The following VDAC1 variants were observed in gnomAD, a reference collection of about 807,000 sequenced individuals.
VDAC1 encodes the protein voltage dependent anion channel 1, also known as non-selective voltage-gated ion channel VDAC1.
In VDAC1, 10 loss-of-function variants were observed where a neutral mutation model predicts 34.7. The ratio of observed to expected loss-of-function variants is 0.29; its 90% confidence interval spans 0.18 to 0.49. VDAC1 has a LOEUF of 0.49. VDAC1 is among the 20% of genes least tolerant of loss of function. The pLI is 0.99. For synonymous variants in VDAC1, 130 were observed against 136.0 expected (o/e 0.96, Z 0.30); for missense variants, 230 against 347.9 (o/e 0.66, Z 2.69).
chr5:134,015,979 G>A, the VDAC1 span, among the ~76,000 whole-genome samples: 2 of 152,136 alleles, frequency 1.3e-5, no homozygotes, highest in African/African-American at 4.8e-5. Context: ...TGTAGAGATG[G>A]GGGTTTGCCA....
intron 1 of VDAC1, among the ~76,000 whole-genome samples, chr5:133,995,687 G>A (rs78157275): frequency 2.0e-4 from 31 of 152,278 alleles, no homozygotes; most frequent in African/African-American, 6.5e-4. Context: ...AGGAAGGCCC[G>A]AGACAGCTCT....
chr5:134,093,654 C>A, the VDAC1 span, among the ~76,000 whole-genome samples: 1 of 152,174 alleles, frequency 6.6e-6, no homozygotes. Flanking sequence ...GAGCGTGAGC[C>A]GGCAGAGAGA....
At chr5:134,055,035 C>G in the VDAC1 span, among the ~76,000 whole-genome samples, 6 of 152,232 alleles carry the variant, frequency 3.9e-5, no homozygotes, top group Non-Finnish European at 8.8e-5. Context: ...TGAGTCCCCT[C>G]TCTGTGCACA....
At chr5:134,062,000 A>G in the VDAC1 span, among the ~76,000 whole-genome samples, 2 of 151,242 alleles carry the variant, frequency 1.3e-5, no homozygotes, top group Non-Finnish European at 3.0e-5. Context: ...TTTTTTTGAG[A>G]CAGAGTCTTG....
intron 1 of VDAC1, among the ~76,000 whole-genome samples, chr5:134,003,002 C>T (rs971314971): frequency 1.8e-4 from 28 of 151,726 alleles, no homozygotes; most frequent in African/African-American, 6.5e-4. Flanking sequence ...GGACTATGGT[C>T]TGGGCCTGCA....
the VDAC1 span, among the ~76,000 whole-genome samples, chr5:134,069,813 C>T: frequency 6.6e-6 from 1 of 152,134 alleles, no homozygotes; most frequent in Admixed American, 6.6e-5. Context: ...TTCTAAGTCA[C>T]AGGATGAGAT....
At chr5:134,000,909 A>G (rs1561600178) in intron 1 of VDAC1, among the ~76,000 whole-genome samples, 1 of 152,174 alleles carries the variant, frequency 6.6e-6, no homozygotes, top group Non-Finnish European at 1.5e-5. Context: ...CATGTCCACA[A>G]TGAGGCATTG....
At chr5:134,107,814 C>T in the VDAC1 span, among the ~76,000 whole-genome samples, 7 of 152,190 alleles carry the variant, frequency 4.6e-5, no homozygotes, top group African/African-American at 1.4e-4. Flanking sequence ...TCCCATCTTC[C>T]CAGCTCTTTG....
the VDAC1 span, among the ~76,000 whole-genome samples, chr5:134,086,989 C>G: frequency 6.6e-6 from 1 of 152,146 alleles, no homozygotes; most frequent in African/African-American, 2.4e-5. Flanking sequence ...AAAGGAAGAG[C>G]CAGGACAAAG....
At chr5:134,112,381 G>A in the VDAC1 span, among the ~76,000 whole-genome samples, 10 of 152,344 alleles carry the variant, frequency 6.6e-5, no homozygotes, top group East Asian at 1.5e-3. Flanking sequence ...GCCAGGGCTA[G>A]GTACACAGTA....
At chr5:133,986,046 C>T (rs1396952392) in intron 5 of VDAC1, among the ~76,000 whole-genome samples, 2 of 152,226 alleles carry the variant, frequency 1.3e-5, no homozygotes, top group African/African-American at 4.8e-5. Flanking sequence ...TCTAACACTG[C>T]ACACCATGTC....
At chr5:134,051,512 G>A in the VDAC1 span, among the ~76,000 whole-genome samples, 1 of 152,208 alleles carries the variant, frequency 6.6e-6, no homozygotes, top group African/African-American at 2.4e-5. Context: ...TCATTTGTGA[G>A]AACCTTGTTG....
upstream of VDAC1, chr5:134,005,552 C>T (rs1394261595): frequency 6.6e-6 from 1 of 152,222 alleles, no homozygotes; most frequent in Non-Finnish European, 1.5e-5. Flanking sequence ...TAAAACAAAA[C>T]GTGGATTGGG....
chr5:134,061,426 CAATG>C, the VDAC1 span, among the ~76,000 whole-genome samples: 2 of 151,666 alleles, frequency 1.3e-5, no homozygotes, highest in Admixed American at 1.3e-4. Flanking sequence ...GGCTGGAATG[CAATG>C]GTAAGATCAC....
chr5:134,041,090 T>C, the VDAC1 span, among the ~76,000 whole-genome samples: 2 of 152,202 alleles, frequency 1.3e-5, no homozygotes, highest in Non-Finnish European at 2.9e-5. Context: ...ATAAATGCAC[T>C]CACTTTGCTC....
the VDAC1 span, among the ~76,000 whole-genome samples, chr5:134,106,852 C>T: frequency 4.6e-5 from 7 of 152,222 alleles, no homozygotes; most frequent in Non-Finnish European, 7.3e-5. Flanking sequence ...TCTCTTCTCT[C>T]CTATTTCTTC....
the VDAC1 span, among the ~76,000 whole-genome samples, chr5:134,055,596 T>TTTTTTTTGTTTTTG: frequency 2.4e-5 from 1 of 41,944 alleles, no homozygotes; most frequent in African/African-American, 6.3e-5. Flanking sequence ...ATGTTTTTTT[T>TTTTTTTTGTTTTTG]TTTTTTTTTT....
At chr5:134,090,068 C>T in the VDAC1 span, among the ~76,000 whole-genome samples, 16 of 152,230 alleles carry the variant, frequency 1.1e-4, no homozygotes, top group African/African-American at 3.1e-4. Flanking sequence ...TCTCAGGCCT[C>T]GTCCAGTCTG....
At chr5:134,062,462 G>A in the VDAC1 span, among the ~76,000 whole-genome samples, 1 of 151,650 alleles carries the variant, frequency 6.6e-6, no homozygotes, top group Non-Finnish European at 1.5e-5. Context: ...TATACAGTTT[G>A]CTAATACATT....
Sources: gnomAD v4.1 joint callset for allele counts (sites outside exome capture counted in the v4.1 genomes callset) on GRCh38, gnomAD v4.1.1 for gene constraint, MANE v1.5 for transcripts, NCBI Gene and HGNC (gene_info 2026-07-23, HGNC 2026-07-21) for gene names.